The following PDS5A variants were observed in gnomAD, a reference collection of about 807,000 sequenced individuals.
PDS5A encodes sister chromatid cohesion protein PDS5 homolog A.
PDS5A carries 42 observed loss-of-function variants against 167.1 expected under a neutral mutation model. The ratio of observed to expected loss-of-function variants is 0.25; its 90% CI spans 0.20 to 0.33. The LOEUF (loss-of-function observed/expected upper bound fraction) is 0.33. Among genes scored for constraint, PDS5A ranks in the 10% least tolerant of loss-of-function variants. The probability of loss-of-function intolerance (pLI) is 1.00; values close to 1 mark genes in which losing one functional copy is unlikely to be tolerated. For missense variants in PDS5A, 1,033 were observed against 1,605.9 expected (o/e 0.64, Z 6.10); for synonymous variants, 553 against 554.6 (o/e 1.00, Z 0.04).
At chr4:39,828,292 AC>A (rs1238095618) in intron 32 of PDS5A, among the ~76,000 whole-genome samples, 6 of 152,228 alleles carry the variant, frequency 3.9e-5, no homozygotes, top group African/African-American at 1.4e-4. Context: ...ACAAGTTAAA[AC>A]CTTTAGCATC....
chr4:39,933,584 TAAAATA>T (rs1353306032), intron 2 of PDS5A: 4 of 151,908 alleles, frequency 2.6e-5, no homozygotes, highest in African/African-American at 9.7e-5. Context: ...GTTATTAAAT[TAAAATA>T]AACTGTTTAA....
chr4:39,956,676 A>T (rs1728952500), intron 2 of PDS5A, among the ~76,000 whole-genome samples: 1 of 149,874 alleles, frequency 6.7e-6, no homozygotes, highest in Non-Finnish European at 1.5e-5. Context: ...AGATTTTCTT[A>T]CTTTTTTTTT....
At chr4:39,906,904 G>T in intron 11 of PDS5A, among the ~76,000 whole-genome samples, 1 of 121,634 alleles carries the variant, frequency 8.2e-6, no homozygotes, top group Admixed American at 9.2e-5. Context: ...AAAGCCTTTT[G>T]AGATTTCTTA....
chr4:39,841,545 C>T (rs1717019055), intron 31 of PDS5A, among the ~76,000 whole-genome samples: 1 of 150,786 alleles, frequency 6.6e-6, no homozygotes, highest in Non-Finnish European at 1.5e-5. Flanking sequence ...CAGAGTCTGC[C>T]TCTGTCACCC....
At chr4:39,933,751 T>C (rs552758351) in intron 2 of PDS5A, among the ~76,000 whole-genome samples, 1 of 152,358 alleles carries the variant, frequency 6.6e-6, no homozygotes, top group East Asian at 1.9e-4. Context: ...CATTCTTCCC[T>C]TTTTTAAATA....
intron 2 of PDS5A, among the ~76,000 whole-genome samples, chr4:39,948,789 T>C (rs1244368356): frequency 6.6e-5 from 10 of 151,794 alleles, no homozygotes; most frequent in Non-Finnish European, 4.4e-5. Flanking sequence ...CATGCCCGGA[T>C]AATTTTTCTA....
intron 17 of PDS5A, 63 bp from the exon 18 acceptor site, chr4:39,879,896 T>C: frequency 1.0e-6 from 1 of 956,394 alleles, no homozygotes. Context: ...CTAATCACAC[T>C]GTGACAGAAC....
chr4:39,937,390 C>T (rs1726724075), intron 2 of PDS5A, among the ~76,000 whole-genome samples: 1 of 152,014 alleles, frequency 6.6e-6, no homozygotes, highest in Non-Finnish European at 1.5e-5. Context: ...TTCAATTACA[C>T]CTCAATACAG....
At chr4:39,861,024 A>G (rs1042280830) in intron 26 of PDS5A, among the ~76,000 whole-genome samples, 27 of 151,510 alleles carry the variant, frequency 1.8e-4, no homozygotes, top group Non-Finnish European at 1.5e-5. Flanking sequence ...TGATCACACC[A>G]CTGCACTTCA....
chr4:39,955,977 T>C (rs1412292806), intron 2 of PDS5A, among the ~76,000 whole-genome samples: 1 of 151,458 alleles, frequency 6.6e-6, no homozygotes, highest in African/African-American at 2.4e-5. Flanking sequence ...TAGCCAGACA[T>C]GGTGGTGGCA....
At chr4:39,858,800 T>C (rs1031667345) in intron 26 of PDS5A, among the ~76,000 whole-genome samples, 3 of 152,146 alleles carry the variant, frequency 2.0e-5, no homozygotes, top group African/African-American at 4.8e-5. Flanking sequence ...ATTTTTTATA[T>C]TGTTAGTAGG....
chr4:39,917,013 A>G, intron 8 of PDS5A, 35 bp downstream of exon 8: 1 of 1,206,000 alleles, frequency 8.3e-7, no homozygotes, highest in Non-Finnish European at 1.1e-6. Flanking sequence ...AAACAAAAAA[A>G]TTAAAAAAAA....
chr4:39,888,115 G>A (rs1578674353), intron 17 of PDS5A, among the ~76,000 whole-genome samples: 1 of 152,094 alleles, frequency 6.6e-6, no homozygotes, highest in South Asian at 2.1e-4. Flanking sequence ...TGGGCATGGT[G>A]GCATGCACCT....
rs916138006 is a variant in PDS5A, at chr4:39,883,681, G to C, written c.1887-3848C>G. Reference sequence around the variant, plus strand: ...GACACAGTCTCATTCTGTTGCCCAGGAGAGAGTGAAGTGCCGTGATCTCAG... The same window carrying C: ...GACACAGTCTCATTCTGTTGCCCAGCAGAGAGTGAAGTGCCGTGATCTCAG... On this transcript the variant is annotated intron_variant, in intron 17 of 32. Coordinates refer to ENST00000303538, the MANE Select transcript of PDS5A (RefSeq NM_001100399.2). Among the ~76,000 whole-genome samples, 7 of 152,094 alleles carry C rather than the reference G, an allele frequency of 4.6e-5. No individual in the cohort carries two copies. The East Asian group carries it at 1.2e-3, about 25-fold the overall frequency.
At chr4:39,857,984 T>C (rs1560431736) in intron 26 of PDS5A, among the ~76,000 whole-genome samples, 1 of 152,010 alleles carries the variant, frequency 6.6e-6, no homozygotes, top group Admixed American at 6.6e-5. Context: ...ATAAAATGTT[T>C]AGAAATAAAT....
At chr4:39,963,952 G>T (rs1729742101) in intron 2 of PDS5A, among the ~76,000 whole-genome samples, 1 of 152,084 alleles carries the variant, frequency 6.6e-6, no homozygotes, top group Non-Finnish European at 1.5e-5. Flanking sequence ...CTGTCACCAG[G>T]CTGGAGTGCA....
rs186328426 is a variant in PDS5A at position 39,843,421 on chromosome 4, A to T, written c.3548+1235T>A. ...TTTTCATAGTTTTCCTAAGGGTTGAATTTTCTTACGTATAAAAAATAAACA... is the reference window on the plus strand; with the variant it reads ...TTTTCATAGTTTTCCTAAGGGTTGATTTTTCTTACGTATAAAAAATAAACA... On this transcript the variant is annotated intron_variant, in intron 30 of 32. Transcript: ENST00000303538. Among the ~76,000 whole-genome samples the T allele has an allele frequency of 3.4e-3, 519 of 152,224 alleles. 6 individuals carry two copies. Among genetic ancestry groups the T allele is most frequent in the African/African-American group, 0.011 (475 of 41,538 alleles).
intron 32 of PDS5A, among the ~76,000 whole-genome samples, chr4:39,827,401 C>G (rs888765634): frequency 6.6e-6 from 1 of 152,098 alleles, no homozygotes; most frequent in Non-Finnish European, 1.5e-5. Flanking sequence ...TCTGAAAGAC[C>G]CAGGTCACTG....
intron 2 of PDS5A, among the ~76,000 whole-genome samples, chr4:39,966,848 A>C (rs868305156): frequency 6.7e-6 from 1 of 149,810 alleles, no homozygotes; most frequent in Non-Finnish European, 1.5e-5. Context: ...AAATGCAAAA[A>C]ATTAGCCGGG....
Sources: gnomAD v4.1 joint callset for allele counts (sites outside exome capture counted in the v4.1 genomes callset) on GRCh38, gnomAD v4.1.1 for gene constraint, MANE v1.5 for transcripts, NCBI Gene and HGNC (gene_info 2026-07-23, HGNC 2026-07-21) for gene names.